The following PHACTR4 variants were observed in gnomAD, a reference collection of about 807,000 sequenced individuals.
PHACTR4 encodes the protein phosphatase and actin regulator 4, also known as protein phosphatase 1, regulatory subunit 124.
PHACTR4 carries 51 observed loss-of-function variants against 72.7 expected under a neutral mutation model. That is an observed-to-expected ratio of 0.70 (90% CI 0.56 to 0.89). PHACTR4 has a LOEUF of 0.89. PHACTR4 is among the 40% of genes least tolerant of loss of function. The pLI, the probability that PHACTR4 is intolerant of heterozygous loss-of-function variation, is 0.00. For synonymous variants in PHACTR4, 255 were observed against 302.5 expected, an observed-to-expected ratio of 0.84 and a Z score of 1.63; for missense variants, 731 against 861.8, an observed-to-expected ratio of 0.85 and a Z score of 1.90.
chr1:28,407,421 C>T lies in PHACTR4; in HGVS notation c.-27C>T, dbSNP rs905570164. 1.3e-6 allele frequency: 2 copies of T among 1,593,274 alleles called. No individual in the cohort carries two copies. The highest frequency in any genetic ancestry group is 1.3e-5 in the African/African-American group (1 of 74,214). The stretch of plus-strand genomic sequence containing the variant: ...TTTTCTCTTTTTAGAAACAGTATCT[C>T]ACCTCCCTAAACTGGTTAATAGTGG... On this transcript the variant is annotated 5_prime_UTR_variant, in exon 2 of 14. Transcript: ENST00000373839.
At chr1:28,397,756 C>T (rs1394502467) in intron 1 of PHACTR4, among the ~76,000 whole-genome samples, 2 of 147,524 alleles carry the variant, frequency 1.4e-5, no homozygotes, top group African/African-American at 5.0e-5. Context: ...CGTGCAGTGG[C>T]GCAGTCTCGG....
chr1:28,395,707 T>C (rs1342467134), intron 1 of PHACTR4, among the ~76,000 whole-genome samples: 1 of 149,090 alleles, frequency 6.7e-6, no homozygotes, highest in East Asian at 1.9e-4. Context: ...TGGCACCATC[T>C]TGGCTCACTG....
intron 2 of PHACTR4, among the ~76,000 whole-genome samples, chr1:28,454,876 T>C (rs1373104574): frequency 1.3e-5 from 2 of 152,108 alleles, no homozygotes; most frequent in African/African-American, 4.8e-5. Flanking sequence ...TCCTACCACG[T>C]TGGGAGACTG....
At chr1:28,443,775 T>C (rs2124418967) in intron 2 of PHACTR4, among the ~76,000 whole-genome samples, 1 of 152,312 alleles carries the variant, frequency 6.6e-6, no homozygotes, top group Non-Finnish European at 1.5e-5. Flanking sequence ...TATGGCTAAA[T>C]AGTATTCCAT....
At position 28,473,718 on chromosome 1, in the gene PHACTR4, A is replaced by G. The variant is rs368189063; in HGVS notation, c.988A>G (p.Met330Val). The G allele has an allele frequency of 3.9e-5, 63 of 1,613,958 alleles. No homozygotes were observed. The highest frequency in any genetic ancestry group is 4.5e-5 in the Non-Finnish European group (53 of 1,180,020). Residue 330 changes from methionine to valine, a missense_variant, in exon 7 of 14, where the codon ATG becomes GTG. Coordinates refer to ENST00000373839, the MANE Select transcript of PHACTR4 (RefSeq NM_001048183.3). ...SDEREKSTCS[M>V]GSELLPMISP... Reference sequence around the variant, plus strand: ...TGAAAGAGAGAAGAGCACGTGTTCTATGGGCTCGGAACTACTACCAATGAT... The same window carrying G: ...TGAAAGAGAGAAGAGCACGTGTTCTGTGGGCTCGGAACTACTACCAATGAT...
At chr1:28,388,449 A>T (rs947923386) in intron 1 of PHACTR4, among the ~76,000 whole-genome samples, 1 of 152,232 alleles carries the variant, frequency 6.6e-6, no homozygotes, top group Non-Finnish European at 1.5e-5. Flanking sequence ...AGATGCCAAG[A>T]ACACACAGTG....
At chr1:28,372,063 T>G (rs1651289136) in intron 1 of PHACTR4, among the ~76,000 whole-genome samples, 1 of 151,578 alleles carries the variant, frequency 6.6e-6, no homozygotes, top group African/African-American at 2.4e-5. Flanking sequence ...TTTTTTTTTT[T>G]TAGTAGAGAT....
chr1:28,377,323 C>G (rs901727966), intron 1 of PHACTR4, among the ~76,000 whole-genome samples: 4 of 151,426 alleles, frequency 2.6e-5, no homozygotes, highest in Non-Finnish European at 5.9e-5. Context: ...ACTGCAACCT[C>G]CGCCTCCTGG....
chr1:28,415,155 G>A (rs1274700825), intron 2 of PHACTR4, among the ~76,000 whole-genome samples: 2 of 151,928 alleles, frequency 1.3e-5, no homozygotes, highest in African/African-American at 4.8e-5. Flanking sequence ...CAGCTACTTG[G>A]GAGGCTGAGG....
chr1:28,443,667 T>TCAC (rs1455875734), intron 2 of PHACTR4, among the ~76,000 whole-genome samples: 1 of 152,002 alleles, frequency 6.6e-6, no homozygotes, highest in African/African-American at 2.4e-5. Context: ...CTGGCTGGTC[T>TCAC]CAAACTCCTG....
intron 1 of PHACTR4, among the ~76,000 whole-genome samples, chr1:28,394,976 C>T (rs1437959681): frequency 2.0e-5 from 3 of 150,752 alleles, no homozygotes; most frequent in Non-Finnish European, 4.4e-5. Flanking sequence ...TACAGTGGCA[C>T]GGTCTCAGCT....
chr1:28,492,696 G>A (rs1391067809), intron 12 of PHACTR4, among the ~76,000 whole-genome samples: 1 of 152,120 alleles, frequency 6.6e-6, no homozygotes, highest in Non-Finnish European at 1.5e-5. Flanking sequence ...GGAGCTGAAG[G>A]TTGCAGTGAG....
At chr1:28,396,928 G>A (rs937724516) in intron 1 of PHACTR4, among the ~76,000 whole-genome samples, 5 of 150,180 alleles carry the variant, frequency 3.3e-5, no homozygotes, top group Non-Finnish European at 7.4e-5. Context: ...CCTGACATCG[G>A]GTGATCTACC....
chr1:28,396,990 G>GT, intron 1 of PHACTR4, among the ~76,000 whole-genome samples: 1 of 151,968 alleles, frequency 6.6e-6, no homozygotes, highest in Middle Eastern at 3.4e-3. Flanking sequence ...ACCGTGCCTG[G>GT]CCGTGATATG....
intron 1 of PHACTR4, among the ~76,000 whole-genome samples, chr1:28,397,218 C>A (rs1480713878): frequency 6.6e-6 from 1 of 152,020 alleles, no homozygotes; most frequent in East Asian, 1.9e-4. Flanking sequence ...CCAGGCACAG[C>A]CCATTTCTTC....
chr1:28,491,521 G>T (rs1661035957), intron 11 of PHACTR4, 129 bp from the exon 12 acceptor site: 2 of 1,279,886 alleles, frequency 1.6e-6, no homozygotes, highest in Non-Finnish European at 1.1e-6. Flanking sequence ...GACCTCCAGG[G>T]ATCAATAGTG....
intron 2 of PHACTR4, chr1:28,457,918 GT>G (rs140674119): frequency 0.052 from 37,588 of 728,430 alleles, no homozygotes; most frequent in Non-Finnish European, 0.057. Flanking sequence ...CTTCCTGCTG[GT>G]TTTTTTTTTT....
At chr1:28,448,178 A>G (rs1355711173) in intron 2 of PHACTR4, among the ~76,000 whole-genome samples, 1 of 152,210 alleles carries the variant, frequency 6.6e-6, no homozygotes, top group Non-Finnish European at 1.5e-5. Context: ...ACTTCTTCAC[A>G]GTGAAGTATG....
intron 2 of PHACTR4, among the ~76,000 whole-genome samples, chr1:28,445,838 G>A (rs899866860): frequency 2.0e-5 from 3 of 152,098 alleles, no homozygotes; most frequent in Non-Finnish European, 4.4e-5. Context: ...AGGCTGCAGT[G>A]AGCCATGATC....
Sources: gnomAD v4.1 joint callset for allele counts (sites outside exome capture counted in the v4.1 genomes callset) on GRCh38, gnomAD v4.1.1 for gene constraint, MANE v1.5 for transcripts, NCBI Gene and HGNC (gene_info 2026-07-23, HGNC 2026-07-21) for gene names.